The following GTF2B variants were observed in gnomAD, a reference collection of about 807,000 sequenced individuals.
GTF2B encodes the protein transcription initiation factor IIB.
Under a neutral mutation model 34.6 loss-of-function variants are expected in GTF2B, and 20 were observed. The observed-to-expected ratio is 0.58, with a 90% CI of 0.41 to 0.84. The LOEUF (loss-of-function observed/expected upper bound fraction) is 0.84. Ranked by LOEUF, GTF2B falls within the 40% of genes least tolerant of loss-of-function variation. The pLI, the probability that GTF2B is intolerant of heterozygous loss-of-function variation, is 0.00. For synonymous variants in GTF2B, 142 were observed against 132.4 expected (o/e 1.07, Z -0.50); for missense variants, 237 against 393.3 (o/e 0.60, Z 3.36).
intron 2 of GTF2B, among the ~76,000 whole-genome samples, chr1:88,867,156 T>C (rs1673579073): frequency 6.6e-6 from 1 of 152,222 alleles, no homozygotes; most frequent in Non-Finnish European, 1.5e-5. Context: ...CAATTTTTCT[T>C]CCTTTTTACA....
intron 2 of GTF2B, among the ~76,000 whole-genome samples, chr1:88,869,105 G>A (rs1214268006): frequency 1.3e-5 from 2 of 151,508 alleles, no homozygotes; most frequent in African/African-American, 2.5e-5. Flanking sequence ...GAAAAAATAC[G>A]CCTGTACTGA....
At chr1:88,868,766 C>T (rs376862943) in intron 2 of GTF2B, among the ~76,000 whole-genome samples, 23 of 151,220 alleles carry the variant, frequency 1.5e-4, no homozygotes, top group African/African-American at 5.6e-4. Context: ...GACGGAGTCT[C>T]GCTCTGTCGC....
At chr1:88,853,443 C>T in intron 6 of GTF2B, 97 bp from the exon 7 acceptor site, 1 of 1,107,512 alleles carries the variant, frequency 9.0e-7, no homozygotes, top group South Asian at 1.4e-5. Context: ...TATAAAGTGC[C>T]AAACTTAAAA....
At chr1:88,891,404 G>A (rs947419708) in intron 1 of GTF2B, 79 bp downstream of exon 1, 4 of 1,129,190 alleles carry the variant, frequency 3.5e-6, no homozygotes, top group African/African-American at 3.1e-5. Context: ...AGCCCTACGA[G>A]GCTGCCCGGA....
At chr1:88,863,829 T>C (rs1043763242) in intron 3 of GTF2B, 152 bp downstream of exon 3, 1 of 664,042 alleles carries the variant, frequency 1.5e-6, no homozygotes, top group Non-Finnish European at 2.7e-6. Flanking sequence ...ACACACAAGT[T>C]AGCCATCATT....
chr1:88,881,186 AAAAG>A (rs1257145663), intron 2 of GTF2B, among the ~76,000 whole-genome samples: 21 of 150,780 alleles, frequency 1.4e-4, no homozygotes, highest in Admixed American at 1.1e-3. Flanking sequence ...AAAAAAAAAA[AAAAG>A]ATACATACTT....
At chr1:88,869,490 A>G (rs901389493) in intron 2 of GTF2B, among the ~76,000 whole-genome samples, 2 of 152,266 alleles carry the variant, frequency 1.3e-5, no homozygotes, top group African/African-American at 4.8e-5. Flanking sequence ...CAAGCCAAAA[A>G]TGTCAGTCAC....
chr1:88,883,256 T>C (rs1673987097), intron 2 of GTF2B, among the ~76,000 whole-genome samples: 1 of 152,222 alleles, frequency 6.6e-6, no homozygotes. Context: ...TCAACAGCAG[T>C]AGCCGAAGGC....
At chr1:88,881,169 T>TA (rs537366934) in intron 2 of GTF2B, among the ~76,000 whole-genome samples, 1,341 of 125,322 alleles carry the variant, frequency 0.011, 7 homozygotes, top group Middle Eastern at 0.025. Context: ...GGTATGTATT[T>TA]AAAAAAAAAA....
intron 6 of GTF2B, among the ~76,000 whole-genome samples, chr1:88,854,747 C>CA (rs1673264640): frequency 6.6e-6 from 1 of 152,206 alleles, no homozygotes. Flanking sequence ...CCACCTGCCT[C>CA]AGCCTCCCAA....
intron 2 of GTF2B, among the ~76,000 whole-genome samples, chr1:88,871,788 A>G (rs919735418): frequency 1.3e-5 from 2 of 152,090 alleles, no homozygotes; most frequent in Non-Finnish European, 2.9e-5. Context: ...GTGGAATGCA[A>G]TGGGGTAATC....
intron 2 of GTF2B, among the ~76,000 whole-genome samples, chr1:88,883,981 A>G (rs1674002769): frequency 6.6e-6 from 1 of 150,522 alleles, no homozygotes; most frequent in Non-Finnish European, 1.5e-5. Context: ...TTCCATGTAG[A>G]CTACTCACTG....
chr1:88,859,790 T>G, intron 5 of GTF2B, 92 bp downstream of exon 5: 1 of 1,099,824 alleles, frequency 9.1e-7, no homozygotes, highest in South Asian at 1.4e-5. Context: ...GAGTCAAGAT[T>G]GCGCCACTGC....
At chr1:88,881,741 G>A (rs1375445454) in intron 2 of GTF2B, among the ~76,000 whole-genome samples, 1 of 152,164 alleles carries the variant, frequency 6.6e-6, no homozygotes, top group Non-Finnish European at 1.5e-5. Context: ...ATATATTATA[G>A]AAAGTAAGTT....
chr1:88,886,799 T>G (rs1227736306), intron 2 of GTF2B, among the ~76,000 whole-genome samples: 7 of 123,534 alleles, frequency 5.7e-5, no homozygotes, highest in Non-Finnish European at 1.1e-4. Context: ...AGTTTACTCG[T>G]TTCTGTTTCC....
intron 2 of GTF2B, among the ~76,000 whole-genome samples, chr1:88,883,469 C>T (rs1673990856): frequency 6.6e-6 from 1 of 152,036 alleles, no homozygotes; most frequent in Non-Finnish European, 1.5e-5. Context: ...AATCCCAGCA[C>T]TTTGGGAGAT....
intron 2 of GTF2B, among the ~76,000 whole-genome samples, chr1:88,868,252 A>G (rs17130640): frequency 0.012 from 1,859 of 152,376 alleles, 31 homozygotes; most frequent in African/African-American, 0.036. Flanking sequence ...GGAAGCAGCC[A>G]GCCAATTAGC....
intron 6 of GTF2B, among the ~76,000 whole-genome samples, chr1:88,856,230 T>G (rs1350531745): frequency 2.3e-5 from 3 of 129,420 alleles, no homozygotes; most frequent in African/African-American, 8.6e-5. Flanking sequence ...ATTGTGCCAC[T>G]GTACCTCCAG....
rs1213333517 is a variant in GTF2B, at chr1:88,857,288, A to G, written c.735T>C (p.Val245=). 1 of 1,613,798 alleles carries G rather than the reference A, an allele frequency of 6.2e-7. No homozygotes were observed. The highest frequency in any genetic ancestry group is 8.5e-7 in the Non-Finnish European group (1 of 1,179,704). The change falls in exon 6 of 7, where the codon GTT becomes GTC. Residue 245 remains valine (V), a synonymous_variant. Transcript: ENST00000370500. The stretch of plus-strand genomic sequence containing the variant: ...CCACAGAGATGGGGCTCCTCCCAGG[A>G]ACCAAGTCCAGTTCCACAGCTTTAC... ...IARKAVELDL[V]PGRSPISVAA... is the part of the protein sequence containing the mutation.
Sources: gnomAD v4.1 joint callset for allele counts (sites outside exome capture counted in the v4.1 genomes callset) on GRCh38, gnomAD v4.1.1 for gene constraint, MANE v1.5 for transcripts, NCBI Gene and HGNC (gene_info 2026-07-23, HGNC 2026-07-21) for gene names.